LCOR: variants seen among roughly 807,000 people sequenced by gnomAD.
The protein encoded by LCOR is ligand dependent nuclear receptor corepressor.
Under a neutral mutation model 64.4 loss-of-function variants are expected in LCOR, and 14 were observed. The ratio of observed to expected loss-of-function variants is 0.22; its 90% CI spans 0.14 to 0.34. The LOEUF is 0.34. LCOR is among the 10% of genes least tolerant of loss of function. LCOR has a pLI of 1.00. For missense variants in LCOR, 1,686 were observed against 1,765.3 expected (o/e 0.96, Z 0.80); for synonymous variants, 643 against 642.5 (o/e 1.00, Z -0.01).
At position 96,852,752 on chromosome 10, in the gene LCOR, TAGA is replaced by T. The variant is rs1233434171; in HGVS notation, c.-330+19276_-330+19278del. Among the ~76,000 whole-genome samples the T allele has an allele frequency of 3.3e-5, 5 of 152,316 alleles. No homozygotes were observed. In the East Asian group the frequency reaches 5.8e-4, roughly 18 times the overall value. On this transcript the variant is annotated intron_variant, in intron 2 of 7. Coordinates refer to ENST00000421806, the MANE Select transcript of LCOR (RefSeq NM_001346516.2). ...TGATAGTTAAGGGAGTGAAATTAAC[TAGA>T]AGGAGAGTTCCATGATGAAATATAG... is the stretch of plus-strand genomic sequence containing the variant.
chr10:96,929,801 T>TTCACTTGAACA (rs1369417904), intron 4 of LCOR, among the ~76,000 whole-genome samples: 1 of 152,184 alleles, frequency 6.6e-6, no homozygotes, highest in Non-Finnish European at 1.5e-5. Flanking sequence ...AACTCTTCCT[T>TTCACTTGAACA]TCACTTGAAC....
In LCOR at chr10:96,984,928, A is replaced by G. The variant is rs761389586; in HGVS notation, c.4468A>G (p.Thr1490Ala). ...KRPSQSIASE[T>A]LTKPAKQKGA... ...GCCTTCCCAGTCTATTGCCTCGGAA[A>G]CACTGACGAAACCTGCAAAACAGAA... Residue 1490 changes from threonine to alanine, a missense_variant, in exon 8 of 8, where the codon ACA (threonine) becomes GCA (alanine). Thr to Ala is a moderately conservative substitution (Grantham distance 58, BLOSUM62 0). Around this residue, in one of 3 missense-constraint regions of LCOR, gnomAD observed 1,293 missense variants for 1,410.4 expected, o/e 0.92. Coordinates refer to ENST00000421806, the MANE Select transcript of LCOR (RefSeq NM_001346516.2). 3 of 1,614,094 alleles carry G rather than the reference A, an allele frequency of 1.9e-6. No individual in the cohort carries two copies. Among genetic ancestry groups the G allele is most frequent in the Non-Finnish European group, 2.5e-6 (3 of 1,180,032 alleles).
intron 2 of LCOR, among the ~76,000 whole-genome samples, chr10:96,900,379 T>C (rs1846612816): frequency 6.6e-6 from 1 of 151,522 alleles, no homozygotes; most frequent in South Asian, 2.1e-4. Flanking sequence ...AACCTGAAAA[T>C]AAGTAAATGA....
At chr10:96,956,192 G>A in intron 7 of LCOR, 1 of 1,174,908 alleles carries the variant, frequency 8.5e-7, no homozygotes, top group Non-Finnish European at 1.1e-6. Context: ...CAGATACATG[G>A]AAGTGGACTC....
chr10:96,856,181 CT>C (rs1182472791), intron 2 of LCOR, among the ~76,000 whole-genome samples: 1 of 151,978 alleles, frequency 6.6e-6, no homozygotes, highest in Non-Finnish European at 1.5e-5. Flanking sequence ...AGCAATTCTT[CT>C]GCCTCAGCCT....
chr10:96,907,637 T>C, intron 3 of LCOR, 31 bp from the exon 4 acceptor site: 1 of 828,696 alleles, frequency 1.2e-6, no homozygotes, highest in South Asian at 5.5e-5. Flanking sequence ...AATTCTCTTT[T>C]ATGACTATTA....
In LCOR at chr10:96,949,085, G is replaced by A. The variant is rs749034031; in HGVS notation, c.28G>A (p.Ala10Thr). ...GCAGCGAATGATCCAACAATTTGCT[G>A]CTGAATATACCTCAAAAAATAGCTC... Reference protein sequence around the residue: MQRMIQQFAAEYTSKNSSTQ... With the variant: MQRMIQQFATEYTSKNSSTQ... The change falls in exon 6 of 8, where the codon GCT becomes ACT. Residue 10 changes from alanine to threonine, a missense_variant. Physicochemically the swap from Ala to Thr is moderately conservative, Grantham distance 58 (BLOSUM62 0). Transcript: ENST00000421806. 6 of 1,613,944 alleles carry A rather than the reference G, an allele frequency of 3.7e-6. No homozygotes were observed. The South Asian group carries it at 5.5e-5, about 15-fold the overall frequency.
chr10:96,912,607 TCTTCCTTCCTTCCTTC>T lies in LCOR; in HGVS notation c.-184+4884_-184+4899del, dbSNP rs80278478. Among the ~76,000 whole-genome samples, 1,377 of 140,388 alleles carry T rather than the reference TCTTCCTTCCTTCCTTC, an allele frequency of 9.8e-3. 9 individuals carry two copies. Among genetic ancestry groups the T allele is most frequent in the Middle Eastern group, 0.021 (6 of 290 alleles). 92.1% of individuals were successfully genotyped at this position (140,388 alleles called of 152,430 possible). A position where few individuals can be genotyped will look rare whatever the true frequency, so the allele number is the denominator to read the frequency against. ...TCTGTAAGATCTTCCTTTCTTCCTT[TCTTCCTTCCTTCCTTC>T]CTTCCTTCCTTCCTTCCTTCCTTTC... On this transcript the variant is annotated intron_variant, in intron 4 of 7. Coordinates refer to ENST00000421806, the MANE Select transcript of LCOR (RefSeq NM_001346516.2).
At chr10:96,905,957 T>C (rs1222450358) in intron 2 of LCOR, among the ~76,000 whole-genome samples, 1 of 152,188 alleles carries the variant, frequency 6.6e-6, no homozygotes. Flanking sequence ...CTTCTTCTTA[T>C]AGCCAGATAA....
At chr10:96,859,314 A>T (rs557527995) in intron 2 of LCOR, among the ~76,000 whole-genome samples, 2 of 152,130 alleles carry the variant, frequency 1.3e-5, no homozygotes, top group Non-Finnish European at 2.9e-5. Context: ...GGTTCAAGCA[A>T]TTCTCCTGCC....
intron 2 of LCOR, among the ~76,000 whole-genome samples, chr10:96,906,070 TTATGTGTCCGGCAGGATATAG>T (rs1240682642): frequency 1.3e-5 from 2 of 152,188 alleles, no homozygotes; most frequent in Non-Finnish European, 2.9e-5. Flanking sequence ...TGAGGGGGCC[TTATGTGTCCGGCAGGATATAG>T]TATTTTAAAT....
At chr10:96,905,334 C>T (rs1488819373) in intron 2 of LCOR, among the ~76,000 whole-genome samples, 1 of 152,120 alleles carries the variant, frequency 6.6e-6, no homozygotes, top group African/African-American at 2.4e-5. Flanking sequence ...TAGATTTGCT[C>T]TTCAGGATAA....
chr10:96,838,104 A>G lies in LCOR; in HGVS notation c.-330+4625A>G, dbSNP rs186829297. On this transcript the variant is annotated intron_variant, in intron 2 of 7. Coordinates refer to ENST00000421806, the MANE Select transcript of LCOR (RefSeq NM_001346516.2). The stretch of plus-strand genomic sequence containing the variant: ...TGGGGGTAAAAATCCAATATAAACC[A>G]TTAGCTCATTTTATTGACCATTCTT... Among the ~76,000 whole-genome samples, 14 of 152,346 alleles carry G rather than the reference A, an allele frequency of 9.2e-5. No homozygotes were observed. The East Asian group carries it at 2.5e-3, about 27-fold the overall frequency.
At position 96,833,191 on chromosome 10, in the gene LCOR, G is replaced by A. The variant is rs1845377089; in HGVS notation, c.-403-215G>A. ...GGACCGGGTCCGACCGAGGAGCCCCGGCGGGGGTCGCTCTCGTCCCCTCCC... is the reference window on the plus strand; with the variant it reads ...GGACCGGGTCCGACCGAGGAGCCCCAGCGGGGGTCGCTCTCGTCCCCTCCC... On this transcript the variant is annotated intron_variant, in intron 1 of 7. Transcript: ENST00000421806. The A allele has an allele frequency of 6.1e-6, 6 of 985,050 alleles. No homozygotes were observed. In the South Asian group the frequency reaches 1.4e-4, roughly 23 times the overall value. The allele number at this position is 985,050 out of a possible 1,614,324, so 61.0% of individuals were successfully genotyped here. A position where few individuals can be genotyped will look rare whatever the true frequency, so the allele number is the denominator to read the frequency against.
In LCOR at chr10:96,981,647, T is replaced by C; in HGVS notation, c.1187T>C (p.Leu396Pro). The C allele has an allele frequency of 6.2e-7, 1 of 1,614,182 alleles. No individual in the cohort carries two copies. Among genetic ancestry groups the C allele is most frequent in the Non-Finnish European group, 8.5e-7 (1 of 1,180,048 alleles). ...GCAAGGCCAAAGCAAGAGAACCATCTTCACTCTCTGGGAAGAAATAAGGTG... is the reference window on the plus strand; with the variant it reads ...GCAAGGCCAAAGCAAGAGAACCATCCTCACTCTCTGGGAAGAAATAAGGTG... ...QDARPKQENH[L>P]HSLGRNKVGY... The change falls in exon 8 of 8, where the codon CTT becomes CCT. Residue 396 changes from leucine to proline, a missense_variant. Transcript: ENST00000421806.
intron 2 of LCOR, among the ~76,000 whole-genome samples, chr10:96,859,764 G>C (rs544309138): frequency 2.0e-5 from 3 of 152,140 alleles, no homozygotes; most frequent in African/African-American, 7.2e-5. Flanking sequence ...TTGCCATGTT[G>C]CCCAGGCTGG....
At chr10:96,872,574 A>G (rs1292262501) in intron 2 of LCOR, among the ~76,000 whole-genome samples, 1 of 152,146 alleles carries the variant, frequency 6.6e-6, no homozygotes, top group African/African-American at 2.4e-5. Context: ...AGTCCCAGCT[A>G]CTTGGGGGAC....
chr10:96,876,697 T>G (rs1218942451), intron 2 of LCOR, among the ~76,000 whole-genome samples: 3 of 152,142 alleles, frequency 2.0e-5, no homozygotes, highest in Non-Finnish European at 4.4e-5. Context: ...TAGGCTTTTT[T>G]TTTCCTTTTG....
In LCOR at chr10:96,990,752, CT is replaced by C; in HGVS notation, c.*5622del. 1 of 152,386 alleles carries C rather than the reference CT, an allele frequency of 6.6e-6. No homozygotes were observed. The highest frequency in any genetic ancestry group is 2.1e-4 in the South Asian group (1 of 4,828). 9.4% of individuals were successfully genotyped at this position (152,386 alleles called of 1,614,324 possible). A position where few individuals can be genotyped will look rare whatever the true frequency, so the allele number is the denominator to read the frequency against. ...CTTACCTCCTCTCTGTCTGATCTTC[CT>C]TTTCCCAGAGCCTCAGTGCTTGATG... On this transcript the variant is annotated 3_prime_UTR_variant, in exon 8 of 8. Coordinates refer to ENST00000421806, the MANE Select transcript of LCOR (RefSeq NM_001346516.2).
Sources: gnomAD v4.1 joint callset for allele counts (sites outside exome capture counted in the v4.1 genomes callset) on GRCh38, gnomAD v4.1.1 for gene constraint, gnomAD v4.1.1 regional missense constraint, MANE v1.5 for transcripts, NCBI Gene and HGNC (gene_info 2026-07-23, HGNC 2026-07-21) for gene names.